The following VPS13A variants were observed in gnomAD, a reference collection of about 807,000 sequenced individuals.
VPS13A encodes vacuolar protein sorting 13 homolog A.
Under a neutral mutation model 390.9 loss-of-function variants are expected in VPS13A, and 264 were observed. The observed-to-expected ratio is 0.68, with a 90% CI of 0.61 to 0.75. VPS13A has a LOEUF of 0.75. VPS13A is among the 30% of genes least tolerant of loss of function. The pLI, the probability that VPS13A is intolerant of heterozygous loss-of-function variation, is 0.00. For missense variants in VPS13A, 3,409 were observed against 3,733.9 expected (o/e 0.91, Z 2.27); for synonymous variants, 1,231 against 1,227.1 (o/e 1.00, Z -0.07).
chr9:77,184,784 T>G (rs531697187), intron 1 of VPS13A, among the ~76,000 whole-genome samples: 107 of 152,254 alleles, frequency 7.0e-4, no homozygotes, highest in African/African-American at 2.5e-3. Context: ...AAATCCCATT[T>G]GGTCATGACG....
At chr9:77,395,896 C>T (rs1393362459) in intron 68 of VPS13A, 2 of 152,140 alleles carry the variant, frequency 1.3e-5, no homozygotes, top group African/African-American at 2.4e-5. Context: ...AACACCATGA[C>T]AGTTTTCCAC....
At chr9:77,236,902 T>G (rs1248047089) in intron 17 of VPS13A, among the ~76,000 whole-genome samples, 2 of 152,178 alleles carry the variant, frequency 1.3e-5, no homozygotes, top group African/African-American at 4.8e-5. Flanking sequence ...TTAGTAGATT[T>G]TTTTGTTTGT....
At chr9:77,262,617 T>A (rs1564675197) in intron 23 of VPS13A, among the ~76,000 whole-genome samples, 1 of 152,020 alleles carries the variant, frequency 6.6e-6, no homozygotes, top group Non-Finnish European at 1.5e-5. Context: ...CAGTGTGTGA[T>A]GTTCCCCTCC....
intron 13 of VPS13A, 49 bp from the exon 14 acceptor site, chr9:77,225,877 T>C (rs1172480151): frequency 4.2e-6 from 6 of 1,434,200 alleles, no homozygotes; most frequent in Admixed American, 3.4e-5. Flanking sequence ...AAGTTAATTA[T>C]GTAAAGTTAT....
chr9:77,343,097 C>T (rs936210663), intron 50 of VPS13A, among the ~76,000 whole-genome samples: 2 of 152,026 alleles, frequency 1.3e-5, no homozygotes, highest in Non-Finnish European at 2.9e-5. Context: ...CGCTCCCTTT[C>T]CCCCGATAAA....
At chr9:77,181,399 C>T (rs948873052) in intron 1 of VPS13A, among the ~76,000 whole-genome samples, 1 of 151,458 alleles carries the variant, frequency 6.6e-6, no homozygotes, top group Non-Finnish European at 1.5e-5. Flanking sequence ...GCCTGTAATC[C>T]CAGCTACTCA....
chr9:77,191,051 A>G (rs1015506993), intron 1 of VPS13A, among the ~76,000 whole-genome samples: 6 of 148,316 alleles, frequency 4.0e-5, no homozygotes, highest in African/African-American at 1.2e-4. Context: ...GTTCAGTTCA[A>G]CTCTAATTTT....
At position 77,377,203 on chromosome 9, in the gene VPS13A, G is replaced by GTTTTTT. The variant is rs61562443; in HGVS notation, c.9078-4751_9078-4746dup. On this transcript the variant is annotated intron_variant, in intron 67 of 71. Transcript: ENST00000360280. ...CTTATTCCTAAGTATTTTTGATGCT[G>GTTTTTT]TTTTTTTTTTTTTTTTTTTTTTTTT... Among the ~76,000 whole-genome samples the GTTTTTT allele has an allele frequency of 1.3e-3, 89 of 69,058 alleles. 12 individuals carry two copies. Among genetic ancestry groups the GTTTTTT allele is most frequent in the African/African-American group, 3.9e-3 (68 of 17,252 alleles). The allele number at this position is 69,058 out of a possible 152,430, so 45.3% of individuals were successfully genotyped here.
chr9:77,289,214 C>T (rs1246452340), intron 31 of VPS13A, among the ~76,000 whole-genome samples: 2 of 152,150 alleles, frequency 1.3e-5, no homozygotes, highest in African/African-American at 4.8e-5. Context: ...TATGTGCATG[C>T]CACCACATCT....
Position 77,407,572 on chromosome 9 carries a change from A to G in VPS13A, c.9439A>G (p.Lys3147Glu). 6.2e-7 allele frequency: 1 copy of G among 1,613,192 alleles called. No homozygotes were observed. The highest frequency in any genetic ancestry group is 8.5e-7 in the Non-Finnish European group (1 of 1,179,318). ...TGTATTTCATGCCAGAGAGTTTGGA[A>G]AAATAATTAACTTCAAGACCCCAGA... ...KSVFHAREFG[K>E]IINFKTPEDA... The change falls in exon 71 of 72, where the codon AAA becomes GAA. Residue 3147 changes from lysine to glutamate, a missense_variant. Physicochemically the swap from Lys to Glu is moderately conservative, Grantham distance 56. Coordinates refer to ENST00000360280, the MANE Select transcript of VPS13A (RefSeq NM_033305.3).
rs1217418716 is a variant in VPS13A, at chr9:77,252,270, T to A, written c.2206T>A (p.Ser736Thr). Residue 736 changes from serine to threonine, a missense_variant, in exon 22 of 72, where the codon TCT (serine) becomes ACT (threonine). Ser to Thr is a moderately conservative substitution (Grantham distance 58). This residue lies in a region of VPS13A where 2,717 missense variants were observed against 2,917.4 expected (regional missense o/e 0.93). Coordinates refer to ENST00000360280, the MANE Select transcript of VPS13A (RefSeq NM_033305.3). ...NWREARKLSV[S>T]TQHILVPMHF... ...GAGAGAAGCACGAAAACTCAGTGTA[T>A]CTACCCAGCATATTTTGGTACCCAT... 1.2e-6 allele frequency: 2 copies of A among 1,613,950 alleles called. No homozygotes were observed. The highest frequency in any genetic ancestry group is 1.7e-6 in the Non-Finnish European group (2 of 1,179,934).
intron 3 of VPS13A, among the ~76,000 whole-genome samples, chr9:77,202,586 A>G (rs1004442776): frequency 6.6e-6 from 1 of 152,164 alleles, no homozygotes; most frequent in African/African-American, 2.4e-5. Context: ...ATATTTTTAT[A>G]TAACTTTTAA....
chr9:77,279,806 T>C (rs1323396806), intron 26 of VPS13A: 1 of 197,370 alleles, frequency 5.1e-6, no homozygotes, highest in African/African-American at 2.4e-5. Context: ...TTTTTAGTTA[T>C]TTCAGTGATC....
intron 68 of VPS13A, among the ~76,000 whole-genome samples, chr9:77,396,922 A>C (rs1834141037): frequency 6.6e-6 from 1 of 152,176 alleles, no homozygotes; most frequent in African/African-American, 2.4e-5. Context: ...CAGTCTATAA[A>C]ACCATTTGTT....
rs754583043 is a variant in VPS13A at position 77,406,048 on chromosome 9, C to T, written c.9399+61C>T. The T allele has an allele frequency of 5.0e-6, 8 of 1,597,994 alleles. No individual in the cohort carries two copies. The Admixed American group carries it at 6.7e-5, about 13-fold the overall frequency. ...ACTGAAAATAATGCTTTGAAGTAGTCCTTTTTATTTGTATAATGCTCTACC... is the reference window on the plus strand; with the variant it reads ...ACTGAAAATAATGCTTTGAAGTAGTTCTTTTTATTTGTATAATGCTCTACC... On this transcript the variant is annotated intron_variant, in intron 70 of 71. Transcript: ENST00000360280.
At chr9:77,356,140 AT>A (rs1416477357) in intron 54 of VPS13A, among the ~76,000 whole-genome samples, 5 of 152,048 alleles carry the variant, frequency 3.3e-5, no homozygotes, top group African/African-American at 7.3e-5. Context: ...TCTATTCCTA[AT>A]GTGTTCCTGA....
chr9:77,356,429 A>G (rs1156298489), intron 54 of VPS13A, among the ~76,000 whole-genome samples: 3 of 152,026 alleles, frequency 2.0e-5, no homozygotes, highest in Non-Finnish European at 2.9e-5. Flanking sequence ...AAATTTTACT[A>G]ATTTATTTTG....
chr9:77,389,944 C>T (rs1035838995), intron 68 of VPS13A: 1 of 328,302 alleles, frequency 3.0e-6, no homozygotes, highest in African/African-American at 2.2e-5. Context: ...TATTTCTTTT[C>T]TTTCAGAAAT....
At chr9:77,352,581 AGT>A (rs1397890351) in intron 53 of VPS13A, among the ~76,000 whole-genome samples, 3 of 152,184 alleles carry the variant, frequency 2.0e-5, no homozygotes, top group Admixed American at 1.3e-4. Flanking sequence ...TTTATATCAT[AGT>A]GATAGTTTGA....
Sources: allele counts gnomAD v4.1 joint callset (sites outside exome capture counted in the v4.1 genomes callset), GRCh38; gene constraint gnomAD v4.1.1; regional missense constraint gnomAD v4.1.1; transcripts MANE v1.5; gene names NCBI Gene and HGNC (gene_info 2026-07-23, HGNC 2026-07-21).